The following NUDCD1 variants were observed in gnomAD, a reference collection of about 807,000 sequenced individuals.
NUDCD1 encodes nudC domain-containing protein 1.
A neutral mutation model predicts 67.8 loss-of-function variants in NUDCD1; 60 were observed. That is an observed-to-expected ratio of 0.88 (90% CI 0.72 to 1.10). The LOEUF is 1.10. NUDCD1 is among the 50% of genes least tolerant of loss of function. The pLI is 0.00. For missense variants in NUDCD1, 643 were observed against 695.0 expected, an observed-to-expected ratio of 0.93 and a Z score of 0.84; for synonymous variants, 244 against 230.8, an observed-to-expected ratio of 1.06 and a Z score of -0.52.
intron 5 of NUDCD1, among the ~76,000 whole-genome samples, chr8:109,288,051 T>C (rs1814617621): frequency 6.6e-6 from 1 of 152,192 alleles, no homozygotes; most frequent in Non-Finnish European, 1.5e-5. Context: ...GAAACCAGTA[T>C]ATATATTAAT....
At chr8:109,317,900 C>G (rs58174582) in intron 2 of NUDCD1, among the ~76,000 whole-genome samples, 1,683 of 152,126 alleles carry the variant, frequency 0.011, 28 homozygotes, top group African/African-American at 0.038. Context: ...ACTGCTGTAC[C>G]CTTTTTGTCA....
intron 1 of NUDCD1, among the ~76,000 whole-genome samples, chr8:109,330,115 T>C (rs1815773248): frequency 6.6e-6 from 1 of 152,116 alleles, no homozygotes; most frequent in Non-Finnish European, 1.5e-5. Flanking sequence ...ATGAAGATTC[T>C]AGGAAAAGGA....
chr8:109,278,537 G>A (rs927703134), intron 6 of NUDCD1, among the ~76,000 whole-genome samples: 1 of 152,144 alleles, frequency 6.6e-6, no homozygotes, highest in Non-Finnish European at 1.5e-5. Context: ...CATACAGGCA[G>A]TTCCCTTGGC....
At chr8:109,319,621 T>C (rs976058815) in intron 2 of NUDCD1, among the ~76,000 whole-genome samples, 1 of 152,094 alleles carries the variant, frequency 6.6e-6, no homozygotes, top group Non-Finnish European at 1.5e-5. Flanking sequence ...AGGTAGTTAA[T>C]CAATGAGAAA....
At chr8:109,310,810 C>CTTTTTT (rs59611956) in intron 2 of NUDCD1, among the ~76,000 whole-genome samples, 10 of 75,194 alleles carry the variant, frequency 1.3e-4, no homozygotes, top group Non-Finnish European at 1.7e-4. Flanking sequence ...ATAGACAATT[C>CTTTTTT]TTTTTTTTTT....
chr8:109,255,406 A>G (rs1438585017), intron 8 of NUDCD1, among the ~76,000 whole-genome samples: 1 of 152,208 alleles, frequency 6.6e-6, no homozygotes, highest in Non-Finnish European at 1.5e-5. Flanking sequence ...TAGAGACTGA[A>G]GCATAGGAAG....
chr8:109,281,191 T>C lies in NUDCD1; in HGVS notation c.824-19A>G. On this transcript the variant is annotated intron_variant, in intron 5 of 9. Coordinates refer to ENST00000239690, the MANE Select transcript of NUDCD1 (RefSeq NM_032869.4). ...AGAGGTTCTATTGGGAAAAGAAAAA[T>C]GCATCATGTAATAAAAAATTAGAGA... 6.5e-7 allele frequency: 1 copy of C among 1,528,872 alleles called. No individual in the cohort carries two copies. The highest frequency in any genetic ancestry group is 9.0e-7 in the Non-Finnish European group (1 of 1,109,184). 94.7% of individuals were successfully genotyped at this position (1,528,872 alleles called of 1,614,324 possible).
chr8:109,272,817 A>AT (rs1381725837), intron 7 of NUDCD1, among the ~76,000 whole-genome samples: 2 of 152,130 alleles, frequency 1.3e-5, no homozygotes, highest in Non-Finnish European at 2.9e-5. Context: ...TCTACTCTAA[A>AT]TATCAATGGG....
chr8:109,329,894 A>G (rs1815767478), intron 1 of NUDCD1: 2 of 1,543,070 alleles, frequency 1.3e-6, no homozygotes, highest in Non-Finnish European at 1.8e-6. Context: ...CAAAGAAAAC[A>G]TACTGGATGC....
At chr8:109,319,648 G>A (rs1815484790) in intron 2 of NUDCD1, among the ~76,000 whole-genome samples, 1 of 152,180 alleles carries the variant, frequency 6.6e-6, no homozygotes, top group Admixed American at 6.5e-5. Flanking sequence ...AGAAGAAATA[G>A]GATACAGCAC....
intron 3 of NUDCD1, among the ~76,000 whole-genome samples, chr8:109,295,819 G>A (rs1814829880): frequency 6.6e-6 from 1 of 152,014 alleles, no homozygotes; most frequent in Non-Finnish European, 1.5e-5. Flanking sequence ...TTCAAAAACT[G>A]TAGTTCTAGA....
At chr8:109,308,799 G>A (rs1342144110) in intron 2 of NUDCD1, among the ~76,000 whole-genome samples, 1 of 151,916 alleles carries the variant, frequency 6.6e-6, no homozygotes, top group Non-Finnish European at 1.5e-5. Context: ...ATGAAACCCA[G>A]TCTCTACTAA....
Position 109,334,057 on chromosome 8 carries a change from A to T in NUDCD1, c.-47T>A. On this transcript the variant is annotated 5_prime_UTR_variant, in exon 1 of 10. Transcript: ENST00000239690. ...GAGAATTAATAAAGCCCTTGTTGAAAGGTCCGCGCTTCACGCCTCGCACAG... is the reference window on the plus strand; with the variant it reads ...GAGAATTAATAAAGCCCTTGTTGAATGGTCCGCGCTTCACGCCTCGCACAG... The T allele has an allele frequency of 6.2e-7, 1 of 1,611,964 alleles. No individual in the cohort carries two copies. The highest frequency in any genetic ancestry group is 8.5e-7 in the Non-Finnish European group (1 of 1,178,694).
intron 8 of NUDCD1, among the ~76,000 whole-genome samples, chr8:109,258,613 T>A (rs1051003270): frequency 1.1e-4 from 16 of 152,044 alleles, no homozygotes; most frequent in Non-Finnish European, 7.4e-5. Flanking sequence ...AGGAAAATAA[T>A]TAAATATCCT....
chr8:109,272,755 A>G (rs1814186042), intron 7 of NUDCD1, among the ~76,000 whole-genome samples: 1 of 152,246 alleles, frequency 6.6e-6, no homozygotes, highest in Non-Finnish European at 1.5e-5. Flanking sequence ...CATACTCAAC[A>G]TGTGTCCATG....
chr8:109,303,555 G>A (rs567073804), intron 2 of NUDCD1, among the ~76,000 whole-genome samples: 87 of 151,998 alleles, frequency 5.7e-4, no homozygotes, highest in African/African-American at 1.7e-3. Context: ...CACCTGCCCC[G>A]CTCCCTTATT....
chr8:109,287,129 A>G (rs1814593302), intron 5 of NUDCD1, among the ~76,000 whole-genome samples: 1 of 152,166 alleles, frequency 6.6e-6, no homozygotes, highest in Non-Finnish European at 1.5e-5. Flanking sequence ...TAAAAAGTCA[A>G]AAAACAACAC....
intron 1 of NUDCD1, among the ~76,000 whole-genome samples, chr8:109,325,242 C>G (rs961501720): frequency 2.0e-5 from 3 of 152,014 alleles, no homozygotes; most frequent in African/African-American, 7.2e-5. Flanking sequence ...TGGGTACAAA[C>G]ATACAATTAA....
intron 2 of NUDCD1, among the ~76,000 whole-genome samples, chr8:109,303,599 C>T (rs778425296): frequency 1.7e-4 from 26 of 152,112 alleles, no homozygotes; most frequent in Non-Finnish European, 2.8e-4. Context: ...TATCTGCTTC[C>T]CTGACTATTC....
Sources: allele counts gnomAD v4.1 joint callset (sites outside exome capture counted in the v4.1 genomes callset), GRCh38; gene constraint gnomAD v4.1.1; transcripts MANE v1.5; gene names NCBI Gene and HGNC (gene_info 2026-07-23, HGNC 2026-07-21).